Variants in CA10 observed in about 807,000 individuals in gnomAD.
CA10 encodes carbonic anhydrase 10 (inactive).
In CA10, 14 loss-of-function variants were observed where a neutral mutation model predicts 44.2. The ratio of observed to expected loss-of-function variants is 0.32; its 90% CI spans 0.21 to 0.50. The LOEUF (loss-of-function observed/expected upper bound fraction) is 0.50, where lower values mean the gene tolerates loss of function less well. CA10 is among the 20% of genes least tolerant of loss of function. The pLI, the probability that CA10 is intolerant of heterozygous loss-of-function variation, is 0.99. For missense variants in CA10, 350 were observed against 409.7 expected (o/e 0.85, Z 1.26); for synonymous variants, 159 against 141.6 (o/e 1.12, Z -0.87).
intron 3 of CA10, among the ~76,000 whole-genome samples, chr17:51,803,534 G>C (rs1242917582): frequency 2.6e-5 from 4 of 152,048 alleles, no homozygotes. Flanking sequence ...GAAAACTGTT[G>C]GTTTATTTCT....
At chr17:51,843,784 A>G (rs891715861) in intron 3 of CA10, among the ~76,000 whole-genome samples, 7 of 152,336 alleles carry the variant, frequency 4.6e-5, no homozygotes, top group African/African-American at 1.7e-4. Context: ...TGTAGAAAGA[A>G]GAGAAAAATT....
At chr17:52,052,370 T>C (rs1987102967) in intron 2 of CA10, among the ~76,000 whole-genome samples, 1 of 151,016 alleles carries the variant, frequency 6.6e-6, no homozygotes, top group Non-Finnish European at 1.5e-5. Flanking sequence ...CTCTCAGACC[T>C]GGCAAGGCAT....
At chr17:51,868,968 G>A (rs1979682447) in intron 3 of CA10, among the ~76,000 whole-genome samples, 2 of 151,268 alleles carry the variant, frequency 1.3e-5, no homozygotes, top group African/African-American at 2.4e-5. Context: ...TCAAGATAAT[G>A]TCTAATTTAA....
At chr17:52,018,877 G>T (rs574748825) in intron 2 of CA10, among the ~76,000 whole-genome samples, 3 of 150,950 alleles carry the variant, frequency 2.0e-5, no homozygotes, top group Non-Finnish European at 4.4e-5. Context: ...GGTCACGGGG[G>T]TAGATCCCTC....
chr17:51,872,991 TG>T (rs1567868526), intron 3 of CA10, among the ~76,000 whole-genome samples: 1 of 152,176 alleles, frequency 6.6e-6, no homozygotes, highest in African/African-American at 2.4e-5. Context: ...ATATCAACAA[TG>T]GTGCTGATCA....
At chr17:51,969,174 TCTCCA>T (rs1322474144) in intron 2 of CA10, among the ~76,000 whole-genome samples, 1 of 151,998 alleles carries the variant, frequency 6.6e-6, no homozygotes, top group Non-Finnish European at 1.5e-5. Flanking sequence ...CCTGCCTAGT[TCTCCA>T]CTCAACACTC....
intron 2 of CA10, among the ~76,000 whole-genome samples, chr17:51,936,468 T>C (rs1241894057): frequency 7.7e-6 from 1 of 130,142 alleles, no homozygotes; most frequent in African/African-American, 2.6e-5. Context: ...GAAAGTTGCT[T>C]CTAAACAGTG....
intron 3 of CA10, among the ~76,000 whole-genome samples, chr17:51,793,387 A>G (rs985382026): frequency 2.6e-5 from 4 of 152,214 alleles, no homozygotes; most frequent in South Asian, 4.1e-4. Context: ...GCTTGCCCCT[A>G]TCAGTTAGCC....
chr17:52,084,467 C>T (rs1239442000), intron 1 of CA10, among the ~76,000 whole-genome samples: 3 of 151,770 alleles, frequency 2.0e-5, no homozygotes, highest in African/African-American at 7.3e-5. Flanking sequence ...ACAAGCCAAA[C>T]TGGAGTTTCA....
At chr17:52,122,339 A>C (rs1989030974) in intron 1 of CA10, among the ~76,000 whole-genome samples, 1 of 152,268 alleles carries the variant, frequency 6.6e-6, no homozygotes, top group South Asian at 2.1e-4. Flanking sequence ...AAAATTCAGC[A>C]GTACCATAAT....
intron 1 of CA10, among the ~76,000 whole-genome samples, chr17:52,073,118 T>G (rs1228301243): frequency 2.6e-5 from 4 of 152,216 alleles, no homozygotes; most frequent in African/African-American, 9.7e-5. Flanking sequence ...TTTATTAAAC[T>G]ACATTCATAT....
At chr17:51,939,141 T>C (rs148469639) in intron 2 of CA10, among the ~76,000 whole-genome samples, 174 of 152,204 alleles carry the variant, frequency 1.1e-3, no homozygotes, top group African/African-American at 4.0e-3. Flanking sequence ...CACATGTATA[T>C]ATATATTTGA....
chr17:52,072,330 C>T lies in CA10; in HGVS notation c.125G>A (p.Ser42Asn), dbSNP rs1301780746. ...TAATGTGTACTTACCTGGAACAAAG[C>T]TTCCCTGGACCACCTCCTTGTATGC... Reference protein sequence around the residue: ...WWAYKEVVQGSFVPVPSFWGL... With the variant: ...WWAYKEVVQGNFVPVPSFWGL... Residue 42 changes from serine (S) to asparagine (N), a missense_variant, in exon 2 of 9, where the codon AGC (serine) becomes AAC (asparagine). Transcript: ENST00000451037. 1.9e-6 allele frequency: 3 copies of T among 1,610,944 alleles called. No homozygotes were observed. The highest frequency in any genetic ancestry group is 4.5e-5 in the East Asian group (2 of 44,850).
chr17:51,820,268 C>A (rs1050305290), intron 3 of CA10, among the ~76,000 whole-genome samples: 1 of 142,040 alleles, frequency 7.0e-6, no homozygotes, highest in East Asian at 2.2e-4. Context: ...CACTCCAATG[C>A]GTTCTTTTCT....
chr17:51,993,182 C>T (rs758115580), intron 2 of CA10, among the ~76,000 whole-genome samples: 2 of 152,074 alleles, frequency 1.3e-5, no homozygotes, highest in Admixed American at 6.6e-5. Context: ...CTTAGGTAGT[C>T]TGGGAGCTTT....
intron 2 of CA10, among the ~76,000 whole-genome samples, chr17:52,015,451 TGAG>T (rs1030177042): frequency 2.0e-5 from 3 of 152,090 alleles, no homozygotes; most frequent in Admixed American, 6.6e-5. Flanking sequence ...AGGAGCATGA[TGAG>T]GAGAACACTG....
chr17:51,852,945 G>A (rs1028286263), intron 3 of CA10, among the ~76,000 whole-genome samples: 3 of 151,934 alleles, frequency 2.0e-5, no homozygotes, highest in Non-Finnish European at 2.9e-5. Context: ...GAGAAAAATG[G>A]CTTTAGAAAT....
intron 4 of CA10, among the ~76,000 whole-genome samples, chr17:51,664,096 G>A (rs1201440456): frequency 2.0e-5 from 3 of 152,076 alleles, no homozygotes; most frequent in East Asian, 3.9e-4. Context: ...TCATTCCAGA[G>A]CCCACATAAA....
intron 3 of CA10, among the ~76,000 whole-genome samples, chr17:51,908,313 A>G (rs531025302): frequency 6.6e-6 from 1 of 152,320 alleles, no homozygotes; most frequent in African/African-American, 2.4e-5. Context: ...TCATATTGAC[A>G]CATCAGGAGA....
Sources: gnomAD v4.1 joint callset for allele counts (sites outside exome capture counted in the v4.1 genomes callset) on GRCh38, gnomAD v4.1.1 for gene constraint, MANE v1.5 for transcripts, NCBI Gene and HGNC (gene_info 2026-07-23, HGNC 2026-07-21) for gene names.